The following NT5DC1 variants were observed in gnomAD, a reference collection of about 807,000 sequenced individuals.
NT5DC1 encodes 5'-nucleotidase domain containing 1, also known as 5'-nucleotidase domain-containing protein 1.
A neutral mutation model predicts 59.4 loss-of-function variants in NT5DC1; 42 were observed. The ratio of observed to expected loss-of-function variants is 0.71; its 90% CI spans 0.55 to 0.92. NT5DC1 has a LOEUF of 0.92. Among genes scored for constraint, NT5DC1 ranks in the 40% least tolerant of loss-of-function variants. The pLI is 0.00. For missense variants in NT5DC1, 501 were observed against 537.1 expected (o/e 0.93, Z 0.66); for synonymous variants, 172 against 188.1 (o/e 0.91, Z 0.70).
At position 116,238,246 on chromosome 6, in the gene NT5DC1, T is replaced by C; in HGVS notation, c.981T>C (p.Asn327=). The C allele has an allele frequency of 1.2e-6, 2 of 1,612,422 alleles. No homozygotes were observed. The highest frequency in any genetic ancestry group is 8.5e-7 in the Non-Finnish European group (1 of 1,178,912). ...TTTTCCCAGCTCGTCACTATAGTAA[T>C]TGGGAGACAGTCCTCATCCTGGAAG... ...SDIFPARHYS[N]WETVLILEEL... The change falls in exon 10 of 12, where the codon AAT becomes AAC. Residue 327 remains asparagine (N), a synonymous_variant. Transcript: ENST00000319550.
chr6:116,147,711 A>G (rs143484859), intron 6 of NT5DC1, among the ~76,000 whole-genome samples: 1 of 152,214 alleles, frequency 6.6e-6, no homozygotes, highest in South Asian at 2.1e-4. Flanking sequence ...TTAAATGCAC[A>G]TTCACCCAAG....
intron 6 of NT5DC1, among the ~76,000 whole-genome samples, chr6:116,166,171 G>A (rs942440949): frequency 6.6e-6 from 1 of 152,142 alleles, no homozygotes; most frequent in Non-Finnish European, 1.5e-5. Context: ...CAATCTCTGC[G>A]AGACTCTTGC....
At position 116,246,361 on chromosome 6, in the gene NT5DC1, C is replaced by G. The variant is rs928512711; in HGVS notation, c.*2337C>G. On this transcript the variant is annotated 3_prime_UTR_variant, in exon 12 of 12. Coordinates refer to ENST00000319550, the MANE Select transcript of NT5DC1 (RefSeq NM_152729.3). Reference sequence around the variant, plus strand: ...AATACTGAGGTAGTAAAAACTTTATCTGAACCATGAATTACAATCTAAAAT... The same window carrying G: ...AATACTGAGGTAGTAAAAACTTTATGTGAACCATGAATTACAATCTAAAAT... 1 of 151,958 alleles carries G rather than the reference C, an allele frequency of 6.6e-6. No homozygotes were observed. The highest frequency in any genetic ancestry group is 1.9e-4 in the East Asian group (1 of 5,186). The allele number at this position is 151,958 out of a possible 1,614,324, so 9.4% of individuals were successfully genotyped here. A position where few individuals can be genotyped will look rare whatever the true frequency, so the allele number is the denominator to read the frequency against.
At chr6:116,105,159 T>C (rs1203850936) in intron 1 of NT5DC1, among the ~76,000 whole-genome samples, 2 of 152,144 alleles carry the variant, frequency 1.3e-5, no homozygotes, top group African/African-American at 2.4e-5. Context: ...GCCTTTGCTT[T>C]CTCCATGCTC....
At chr6:116,229,501 C>G (rs1238370922) in intron 8 of NT5DC1, among the ~76,000 whole-genome samples, 1 of 152,184 alleles carries the variant, frequency 6.6e-6, no homozygotes, top group Non-Finnish European at 1.5e-5. Flanking sequence ...TCAGTCAGGA[C>G]TGAGCTCCTC....
intron 9 of NT5DC1, 92 bp from the exon 10 acceptor site, chr6:116,238,095 T>C: frequency 1.2e-6 from 1 of 846,662 alleles, no homozygotes; most frequent in South Asian, 1.9e-5. Context: ...CATACTCTGA[T>C]GCCTGTTGAG....
At chr6:116,194,024 G>A (rs1326152303) in intron 6 of NT5DC1, among the ~76,000 whole-genome samples, 1 of 151,962 alleles carries the variant, frequency 6.6e-6, no homozygotes, top group African/African-American at 2.4e-5. Flanking sequence ...TCCAGCCTGG[G>A]CAACAGAGTG....
intron 8 of NT5DC1, among the ~76,000 whole-genome samples, chr6:116,229,986 A>C (rs1478824993): frequency 6.6e-6 from 1 of 152,104 alleles, no homozygotes; most frequent in Non-Finnish European, 1.5e-5. Flanking sequence ...ACAACCAAAC[A>C]TGCCGGTCAC....
intron 6 of NT5DC1, among the ~76,000 whole-genome samples, chr6:116,148,664 A>G (rs1400207247): frequency 6.6e-6 from 1 of 152,202 alleles, no homozygotes; most frequent in African/African-American, 2.4e-5. Flanking sequence ...GATGGTTTAT[A>G]TAACAACGTC....
intron 6 of NT5DC1, among the ~76,000 whole-genome samples, chr6:116,129,073 A>G (rs1779398359): frequency 6.6e-6 from 1 of 152,152 alleles, no homozygotes; most frequent in Non-Finnish European, 1.5e-5. Context: ...CATATATTGT[A>G]CCAATTTACC....
intron 6 of NT5DC1, among the ~76,000 whole-genome samples, chr6:116,199,813 A>G (rs1434578387): frequency 6.6e-6 from 1 of 152,086 alleles, no homozygotes; most frequent in African/African-American, 2.4e-5. Flanking sequence ...ATAACCATCA[A>G]TGAGTCTGGT....
At chr6:116,163,180 A>G (rs1780383268) in intron 6 of NT5DC1, among the ~76,000 whole-genome samples, 1 of 144,400 alleles carries the variant, frequency 6.9e-6, no homozygotes, top group Non-Finnish European at 1.5e-5. Context: ...TATTGATACC[A>G]GCTCTTCTTT....
In NT5DC1 at chr6:116,120,357, C is replaced by T. The variant is rs770624113; in HGVS notation, c.529+2412C>T. The T allele has an allele frequency of 1.7e-5, 28 of 1,614,088 alleles. No individual in the cohort carries two copies. Among genetic ancestry groups the T allele is most frequent in the Non-Finnish European group, 2.4e-5 (28 of 1,180,036 alleles). On this transcript the variant is annotated intron_variant, in intron 6 of 11. Coordinates refer to ENST00000319550, the MANE Select transcript of NT5DC1 (RefSeq NM_152729.3). ...CCTGGTATCTGACAAGTAAAGATTCCAGTCCTTGGGTCATAATGCTGTTGC... is the reference window on the plus strand; with the variant it reads ...CCTGGTATCTGACAAGTAAAGATTCTAGTCCTTGGGTCATAATGCTGTTGC...
chr6:116,135,850 TA>T (rs1779581172), intron 6 of NT5DC1, among the ~76,000 whole-genome samples: 1 of 113,222 alleles, frequency 8.8e-6, no homozygotes. Context: ...TATATATATA[TA>T]TATATATATA....
intron 6 of NT5DC1, among the ~76,000 whole-genome samples, chr6:116,212,262 T>C (rs1781595685): frequency 6.6e-6 from 1 of 152,022 alleles, no homozygotes; most frequent in African/African-American, 2.4e-5. Flanking sequence ...TGAAAGCATA[T>C]AGAAGATATG....
At chr6:116,238,580 T>C (rs573453463) in intron 10 of NT5DC1, among the ~76,000 whole-genome samples, 1 of 152,174 alleles carries the variant, frequency 6.6e-6, no homozygotes, top group South Asian at 2.1e-4. Flanking sequence ...CATTCCTTTC[T>C]AAAAAATAAA....
chr6:116,202,983 C>G (rs1781377703), intron 6 of NT5DC1, among the ~76,000 whole-genome samples: 1 of 151,938 alleles, frequency 6.6e-6, no homozygotes. Flanking sequence ...CTTTTCCAAA[C>G]ATGGTTTTTC....
At chr6:116,234,051 C>T (rs550195677) in intron 8 of NT5DC1, among the ~76,000 whole-genome samples, 1 of 146,884 alleles carries the variant, frequency 6.8e-6, no homozygotes, top group African/African-American at 2.5e-5. Flanking sequence ...ATCGCCACCT[C>T]CTGGGTTCAA....
At chr6:116,217,153 CTG>C (rs896445104) in intron 6 of NT5DC1, among the ~76,000 whole-genome samples, 23 of 152,242 alleles carry the variant, frequency 1.5e-4, no homozygotes, top group African/African-American at 2.6e-4. Context: ...CTGAAAAAAA[CTG>C]TTTTTAATAT....
Sources: allele counts gnomAD v4.1 joint callset (sites outside exome capture counted in the v4.1 genomes callset), GRCh38; gene constraint gnomAD v4.1.1; transcripts MANE v1.5; gene names NCBI Gene and HGNC (gene_info 2026-07-23, HGNC 2026-07-21).